Variants in CACNA2D3 observed in about 807,000 individuals in gnomAD.
CACNA2D3 encodes the protein voltage-dependent calcium channel subunit alpha-2/delta-3.
In CACNA2D3, 60 loss-of-function variants were observed where a neutral mutation model predicts 160.6. The observed-to-expected ratio is 0.37, with a 90% CI of 0.30 to 0.46. CACNA2D3 has a LOEUF of 0.46. Ranked by LOEUF, CACNA2D3 falls within the 20% of genes least tolerant of loss-of-function variation. The probability of loss-of-function intolerance (pLI) is 1.00; values close to 1 mark genes in which losing one functional copy is unlikely to be tolerated. For missense variants in CACNA2D3, 1,205 were observed against 1,365.0 expected (o/e 0.88, Z 1.85); for synonymous variants, 558 against 492.9 (o/e 1.13, Z -1.75).
intron 11 of CACNA2D3, among the ~76,000 whole-genome samples, chr3:54,642,810 A>C (rs918213783): frequency 6.6e-6 from 1 of 152,186 alleles, no homozygotes; most frequent in African/African-American, 2.4e-5. Flanking sequence ...ACTGATACTA[A>C]TATTTTTGGT....
chr3:54,720,711 G>A (rs1701152793), intron 11 of CACNA2D3, among the ~76,000 whole-genome samples: 1 of 152,016 alleles, frequency 6.6e-6, no homozygotes, highest in Non-Finnish European at 1.5e-5. Context: ...ATTTCTCTCT[G>A]TCTCATTTTA....
intron 2 of CACNA2D3, among the ~76,000 whole-genome samples, chr3:54,163,263 T>G (rs763018112): frequency 3.9e-5 from 6 of 152,228 alleles, no homozygotes; most frequent in Non-Finnish European, 7.3e-5. Flanking sequence ...CAACAGCTAA[T>G]TGTGGTAAGT....
intron 11 of CACNA2D3, among the ~76,000 whole-genome samples, chr3:54,747,150 A>G (rs1263396428): frequency 6.6e-6 from 1 of 152,084 alleles, no homozygotes; most frequent in Non-Finnish European, 1.5e-5. Flanking sequence ...GGCATTTTTT[A>G]AAGTGTTGGC....
chr3:54,892,596 C>A (rs4245918), intron 25 of CACNA2D3, among the ~76,000 whole-genome samples: 118,937 of 152,126 alleles, frequency 0.78, 47,323 homozygotes, highest in African/African-American at 0.92. Context: ...TGATTTTTAA[C>A]GACTTTTTTA....
intron 35 of CACNA2D3, among the ~76,000 whole-genome samples, chr3:55,031,821 T>TA (rs1703695599): frequency 2.0e-5 from 3 of 152,104 alleles, no homozygotes; most frequent in Admixed American, 2.0e-4. Context: ...CCAGAATAAT[T>TA]AGAGGTGTAG....
chr3:54,916,015 G>A (rs984750633), intron 27 of CACNA2D3, among the ~76,000 whole-genome samples: 10 of 152,160 alleles, frequency 6.6e-5, no homozygotes, highest in African/African-American at 2.4e-4. Context: ...CTGTGGGTAG[G>A]GGGACTGGGT....
chr3:54,979,787 A>G (rs539346251), intron 29 of CACNA2D3, among the ~76,000 whole-genome samples: 20 of 152,252 alleles, frequency 1.3e-4, no homozygotes, highest in African/African-American at 2.9e-4. Flanking sequence ...TCTGCATTCA[A>G]TAGCACTGTC....
intron 2 of CACNA2D3, among the ~76,000 whole-genome samples, chr3:54,225,453 A>G (rs1701654372): frequency 6.6e-6 from 1 of 152,106 alleles, no homozygotes; most frequent in African/African-American, 2.4e-5. Context: ...TTTTCACAAT[A>G]TCCTCTGTAT....
At chr3:54,576,457 A>G (rs1051884466) in intron 8 of CACNA2D3, among the ~76,000 whole-genome samples, 61 of 152,180 alleles carry the variant, frequency 4.0e-4, no homozygotes, top group Non-Finnish European at 1.2e-4. Flanking sequence ...TTAGATCATC[A>G]TTAAGATTCT....
chr3:54,842,921 C>G (rs1698851625), intron 16 of CACNA2D3, among the ~76,000 whole-genome samples: 1 of 150,458 alleles, frequency 6.6e-6, no homozygotes, highest in South Asian at 2.1e-4. Context: ...CTTTCTAGGA[C>G]AAATCAGAGG....
intron 27 of CACNA2D3, among the ~76,000 whole-genome samples, chr3:54,933,275 C>T (rs575204542): frequency 9.9e-4 from 150 of 152,220 alleles, no homozygotes; most frequent in Admixed American, 6.6e-3. Flanking sequence ...TAAAATTATG[C>T]TATTTTAACA....
At chr3:54,235,809 C>T (rs1701862104) in intron 2 of CACNA2D3, among the ~76,000 whole-genome samples, 2 of 152,180 alleles carry the variant, frequency 1.3e-5, no homozygotes, top group African/African-American at 2.4e-5. Context: ...GTAGCTGCTC[C>T]GGCTTCCGGG....
chr3:54,602,376 T>TA (rs1703076517), intron 9 of CACNA2D3, among the ~76,000 whole-genome samples: 1 of 151,594 alleles, frequency 6.6e-6, no homozygotes, highest in Admixed American at 6.6e-5. Flanking sequence ...CAAGCACCTG[T>TA]AGTCCCAGCT....
intron 19 of CACNA2D3, 25 bp from the exon 20 acceptor site, chr3:54,879,325 G>A (rs551459163): frequency 6.8e-6 from 10 of 1,463,036 alleles, no homozygotes; most frequent in Admixed American, 4.1e-5. Flanking sequence ...TTTTCTCTAC[G>A]ACTTTTTTTT....
chr3:54,209,518 A>C (rs1175753356), intron 2 of CACNA2D3, among the ~76,000 whole-genome samples: 1 of 152,222 alleles, frequency 6.6e-6, no homozygotes. Flanking sequence ...TCACGCATTA[A>C]ATTACATTTT....
At chr3:54,331,693 A>G (rs1178548507) in intron 3 of CACNA2D3, among the ~76,000 whole-genome samples, 3 of 152,238 alleles carry the variant, frequency 2.0e-5, no homozygotes, top group African/African-American at 4.8e-5. Context: ...AATGTGCATT[A>G]TAAGGGGACA....
chr3:54,529,278 C>T (rs1008347072), intron 5 of CACNA2D3, among the ~76,000 whole-genome samples: 40 of 152,126 alleles, frequency 2.6e-4, no homozygotes, highest in Admixed American at 2.0e-3. Context: ...TTCATGTTAG[C>T]GGTCTTCAAC....
intron 2 of CACNA2D3, among the ~76,000 whole-genome samples, chr3:54,131,549 G>A (rs1247536249): frequency 6.6e-6 from 1 of 152,162 alleles, no homozygotes; most frequent in Non-Finnish European, 1.5e-5. Flanking sequence ...TGTTTAGGAC[G>A]ATATGTGGCA....
intron 11 of CACNA2D3, among the ~76,000 whole-genome samples, chr3:54,751,324 GC>G (rs1418803820): frequency 6.6e-6 from 1 of 152,108 alleles, no homozygotes; most frequent in Non-Finnish European, 1.5e-5. Flanking sequence ...ATAATAACGT[GC>G]ATTTACATAT....
Sources: allele counts gnomAD v4.1 joint callset (sites outside exome capture counted in the v4.1 genomes callset), GRCh38; gene constraint gnomAD v4.1.1; transcripts MANE v1.5; gene names NCBI Gene and HGNC (gene_info 2026-07-23, HGNC 2026-07-21).